The following UBE2L5 variants were observed in gnomAD, a reference collection of about 807,000 sequenced individuals.
UBE2L5 encodes the protein ubiquitin-conjugating enzyme E2 L5.
In UBE2L5, 3 loss-of-function variants were observed where a neutral mutation model predicts 10.0. That is an observed-to-expected ratio of 0.30 (90% CI 0.14 to 0.78). The LOEUF (loss-of-function observed/expected upper bound fraction) is 0.78. UBE2L5 is among the 30% of genes least tolerant of loss of function. The pLI is 0.65. For synonymous variants in UBE2L5, 60 were observed against 71.9 expected, an observed-to-expected ratio of 0.83 and a Z score of 0.83; for missense variants, 131 against 193.3, an observed-to-expected ratio of 0.68 and a Z score of 1.91.
At chr13:30,425,558 C>T (rs992406118) in intron 2 of UBE2L5, among the ~76,000 whole-genome samples, 1 of 152,244 alleles carries the variant, frequency 6.6e-6, no homozygotes, top group Admixed American at 6.5e-5. Flanking sequence ...CCTCCCCACC[C>T]AGCGCCATGC....
rs991657701 is a variant in UBE2L5 at position 30,422,587 on chromosome 13, C to G, written c.-869C>G. On this transcript the variant is annotated 5_prime_UTR_variant, in exon 1 of 4. Transcript: ENST00000635918. ...AAAACTACAATTAAAAAAACATAGC[C>G]GTGAAAATAAATGAGATTAGAACCT... The G allele has an allele frequency of 6.6e-6, 1 of 152,178 alleles. No homozygotes were observed. The highest frequency in any genetic ancestry group is 1.5e-5 in the Non-Finnish European group (1 of 68,030). 9.4% of individuals were successfully genotyped at this position (152,178 alleles called of 1,614,324 possible).
chr13:30,428,051 A>G lies in UBE2L5; in HGVS notation c.61A>G (p.Asn21Asp). Residue 21 changes from asparagine to aspartate, a missense_variant, in exon 4 of 4, where the codon AAC (asparagine) becomes GAC (aspartate). By Grantham distance (23) the Asn-to-Asp change is conservative (BLOSUM62 1). Coordinates refer to ENST00000635918, the MANE Select transcript of UBE2L5 (RefSeq NM_001355247.2). ...AGAAATCCGCAAATGTGGAATGGAA[A>G]ACTTCCGTAACATCCAGGTTGATGA... ...LEEIRKCGME[N>D]FRNIQVDEAN... 1 of 1,610,850 alleles carries G rather than the reference A, an allele frequency of 6.2e-7. No individual in the cohort carries two copies. Among genetic ancestry groups the G allele is most frequent in the Non-Finnish European group, 8.5e-7 (1 of 1,177,012 alleles).
rs184583517 is a variant in UBE2L5 at position 30,429,289 on chromosome 13, C to A, written c.*834C>A. Among the ~76,000 whole-genome samples the A allele has an allele frequency of 6.6e-6, 1 of 151,490 alleles. No homozygotes were observed. Among genetic ancestry groups the A allele is most frequent in the Non-Finnish European group, 1.5e-5 (1 of 67,916 alleles). ...AACAAGAGCAAAACTCTGTCCCCCC[C>A]CCACAAAAAAAAATTGATTGAAATA... On this transcript the variant is annotated 3_prime_UTR_variant, in exon 4 of 4. Transcript: ENST00000635918.
intron 2 of UBE2L5, 85 bp from the exon 3 acceptor site, chr13:30,426,640 C>T (rs1403039765): frequency 2.0e-5 from 3 of 152,224 alleles, no homozygotes; most frequent in Non-Finnish European, 2.9e-5. Flanking sequence ...AGCCTATGCT[C>T]AGGTGGTGAT....
rs146860878 is a variant in UBE2L5 at position 30,429,504 on chromosome 13, A to G, written c.*1049A>G. On this transcript the variant is annotated 3_prime_UTR_variant, in exon 4 of 4. Transcript: ENST00000635918. ...AGGTGCTGCATCTTTTATAGTGTCT[A>G]GGCTCTCATCCTTAATGACATTTTC... Among the ~76,000 whole-genome samples, 4 of 152,252 alleles carry G rather than the reference A, an allele frequency of 2.6e-5. No individual in the cohort carries two copies. In the East Asian group the frequency reaches 5.8e-4, roughly 22 times the overall value.
intron 1 of UBE2L5, among the ~76,000 whole-genome samples, chr13:30,423,054 CAGTT>C (rs777923114): frequency 6.6e-6 from 1 of 152,200 alleles, no homozygotes; most frequent in South Asian, 2.1e-4. Context: ...TGACAAAACT[CAGTT>C]TGTTGTTCTA....
chr13:30,429,289 C>G lies in UBE2L5; in HGVS notation c.*834C>G, dbSNP rs184583517. 5.7e-4 allele frequency among the ~76,000 whole-genome samples: 86 copies of G among 151,606 alleles called. No homozygotes were observed. The East Asian group carries it at 0.015, about 27-fold the overall frequency. On this transcript the variant is annotated 3_prime_UTR_variant, in exon 4 of 4. Coordinates refer to ENST00000635918, the MANE Select transcript of UBE2L5 (RefSeq NM_001355247.2). Reference sequence around the variant, plus strand: ...AACAAGAGCAAAACTCTGTCCCCCCCCCACAAAAAAAAATTGATTGAAATA... The same window carrying G: ...AACAAGAGCAAAACTCTGTCCCCCCGCCACAAAAAAAAATTGATTGAAATA...
rs958918840 is a variant in UBE2L5, at chr13:30,423,339, G to A, written c.-779+662G>A. ...TTTAAAATAAACTAGGGCCGGGTGTGGTGGCTCAACGCCTGTAATCCCAGC... is the reference window on the plus strand; with the variant it reads ...TTTAAAATAAACTAGGGCCGGGTGTAGTGGCTCAACGCCTGTAATCCCAGC... On this transcript the variant is annotated intron_variant, in intron 1 of 3. Transcript: ENST00000635918. Among the ~76,000 whole-genome samples the A allele has an allele frequency of 5.9e-5, 9 of 152,200 alleles. No individual in the cohort carries two copies. The East Asian group carries it at 1.2e-3, about 19-fold the overall frequency.
At chr13:30,426,833 A>G (rs1339220799) in intron 3 of UBE2L5, 55 bp downstream of exon 3, 1 of 152,234 alleles carries the variant, frequency 6.6e-6, no homozygotes, top group Admixed American at 6.5e-5. Flanking sequence ...ATTGCAGAGA[A>G]GTCTTATTGA....
chr13:30,422,932 A>G (rs1474023635), intron 1 of UBE2L5, among the ~76,000 whole-genome samples: 1 of 152,222 alleles, frequency 6.6e-6, no homozygotes, highest in African/African-American at 2.4e-5. Flanking sequence ...ATATCGGGAA[A>G]ATGGTTTATT....
chr13:30,424,008 C>T (rs374996897), intron 1 of UBE2L5, among the ~76,000 whole-genome samples: 3 of 152,120 alleles, frequency 2.0e-5, no homozygotes, highest in Admixed American at 6.5e-5. Context: ...GTTTGGCCTG[C>T]GGGGTGTAGT....
In UBE2L5 at chr13:30,428,016, AG is replaced by A. The variant is rs1305619693; in HGVS notation, c.28del (p.Glu10SerfsTer24). 26 of 1,599,196 alleles carry A rather than the reference AG, an allele frequency of 1.6e-5. No individual in the cohort carries two copies. In the East Asian group the frequency reaches 5.6e-4, roughly 34 times the overall value. Reference protein sequence around the residue: MAASRRLMKELEEIRKCGM... With the variant: MAASRRLMXELEEIRKCGM... ...ATGGCGGCCAGCAGGAGGCTGATGA[AG>A]GAGCTTGAAGAAATCCGCAAATGTG... On this transcript the variant is annotated frameshift_variant, in exon 4 of 4. Transcript: ENST00000635918. LOFTEE classifies it high-confidence loss of function.
chr13:30,423,696 T>C (rs910246913), intron 1 of UBE2L5, among the ~76,000 whole-genome samples: 1 of 152,158 alleles, frequency 6.6e-6, no homozygotes, highest in Non-Finnish European at 1.5e-5. Flanking sequence ...ATCCTTACGG[T>C]GGGAAGGTAG....
rs1885569215 is a variant in UBE2L5 at position 30,428,272 on chromosome 13, CTG to C, written c.283_284del (p.Trp95GlufsTer19). The C allele has an allele frequency of 6.2e-7, 1 of 1,607,564 alleles. No individual in the cohort carries two copies. The highest frequency in any genetic ancestry group is 8.5e-7 in the Non-Finnish European group (1 of 1,176,394). ...GTCTGCCAGTAATTAGTGCTGAAAA[CTG>C]GAAGCCAGCAACCAAAACCGACCAA... The part of the protein sequence containing the change: ...VCLPVISAEN[W>X]KPATKTDQVI... On this transcript the variant is annotated frameshift_variant, in exon 4 of 4. Coordinates refer to ENST00000635918, the MANE Select transcript of UBE2L5 (RefSeq NM_001355247.2). LOFTEE classifies it high-confidence loss of function.
chr13:30,428,632 G>T lies in UBE2L5; in HGVS notation c.*177G>T. On this transcript the variant is annotated 3_prime_UTR_variant, in exon 4 of 4. Transcript: ENST00000635918. ...AAAAGTGGTCTAGGTAACCTGTAAAGAAAGGATTAAAAATTTAAGATGTTC... is the reference window on the plus strand; with the variant it reads ...AAAAGTGGTCTAGGTAACCTGTAAATAAAGGATTAAAAATTTAAGATGTTC... 1 of 599,038 alleles carries T rather than the reference G, an allele frequency of 1.7e-6. No individual in the cohort carries two copies. Among genetic ancestry groups the T allele is most frequent in the East Asian group, 3.3e-5 (1 of 30,074 alleles). 37.1% of individuals were successfully genotyped at this position (599,038 alleles called of 1,614,324 possible).
At position 30,427,759 on chromosome 13, in the gene UBE2L5, GT is replaced by G; in HGVS notation, c.-231del. ...GCTGAGGTTGCAATGAGCAGAGATG[GT>G]GCCACTGCACTCCAGCCTGGGCAAC... On this transcript the variant is annotated 5_prime_UTR_variant, in exon 4 of 4. An upstream open reading frame in the 5' UTR loses its in-frame stop. Coordinates refer to ENST00000635918, the MANE Select transcript of UBE2L5 (RefSeq NM_001355247.2). 1.9e-6 allele frequency: 1 copy of G among 535,226 alleles called. No individual in the cohort carries two copies. Among genetic ancestry groups the G allele is most frequent in the South Asian group, 2.6e-5 (1 of 38,330 alleles). The allele number at this position is 535,226 out of a possible 1,614,324, so 33.2% of individuals were successfully genotyped here. A position where few individuals can be genotyped will look rare whatever the true frequency, so the allele number is the denominator to read the frequency against.
At chr13:30,425,699 C>T (rs1240626063) in intron 2 of UBE2L5, among the ~76,000 whole-genome samples, 6 of 152,166 alleles carry the variant, frequency 3.9e-5, no homozygotes, top group African/African-American at 1.4e-4. Context: ...ATCTGTCTTC[C>T]GAAACTTCAG....
intron 1 of UBE2L5, among the ~76,000 whole-genome samples, chr13:30,423,513 G>A (rs1177282071): frequency 1.3e-5 from 2 of 152,184 alleles, no homozygotes; most frequent in African/African-American, 4.8e-5. Context: ...GGGAGGCTGA[G>A]ACAGGAGGAT....
At chr13:30,423,676 A>G (rs571658702) in intron 1 of UBE2L5, among the ~76,000 whole-genome samples, 11 of 152,370 alleles carry the variant, frequency 7.2e-5, no homozygotes, top group East Asian at 1.9e-4. Context: ...CTCAAAAACC[A>G]GAATGAGGCA....
Sources: gnomAD v4.1 joint callset for allele counts (sites outside exome capture counted in the v4.1 genomes callset) on GRCh38, gnomAD v4.1.1 for gene constraint, MANE v1.5 for transcripts, NCBI Gene and HGNC (gene_info 2026-07-23, HGNC 2026-07-21) for gene names.